The following CUBN variants were observed in gnomAD, a reference collection of about 807,000 sequenced individuals.
CUBN encodes 460 kDa receptor.
Under a neutral mutation model 405.3 loss-of-function variants are expected in CUBN, and 282 were observed. That is an observed-to-expected ratio of 0.70 (90% confidence interval 0.63 to 0.77). The LOEUF is 0.77. Among genes scored for constraint, CUBN ranks in the 30% least tolerant of loss-of-function variants. CUBN has a pLI of 0.00. For synonymous variants in CUBN, 1,684 were observed against 1,617.0 expected, an observed-to-expected ratio of 1.04 and a Z score of -0.99; for missense variants, 4,514 against 4,475.2, an observed-to-expected ratio of 1.01 and a Z score of -0.25.
At chr10:16,972,347 T>A (rs1832959411) in intron 31 of CUBN, among the ~76,000 whole-genome samples, 1 of 152,154 alleles carries the variant, frequency 6.6e-6, no homozygotes, top group Non-Finnish European at 1.5e-5. Context: ...CTCTGAACTC[T>A]TATGTCAAAC....
chr10:16,840,646 A>T (rs554499256), intron 61 of CUBN, 111 bp from the exon 62 acceptor site: 5 of 970,248 alleles, frequency 5.2e-6, no homozygotes, highest in Non-Finnish European at 8.1e-6. Context: ...CTATATTTTC[A>T]TTACTCTATT....
rs192174971 is a variant in CUBN, at chr10:16,909,267, C to A, written c.7534-1588G>T. Among the ~76,000 whole-genome samples the A allele has an allele frequency of 9.9e-5, 15 of 152,274 alleles. No homozygotes were observed. In the East Asian group the frequency reaches 2.9e-3, roughly 29 times the overall value. On this transcript the variant is annotated intron_variant, in intron 48 of 66. Transcript: ENST00000377833. ...CTGGTGTAAAGTGTCTTCTGGCTCA[C>A]TGGACCAGAAGAAGAGTTTGCTATC...
At chr10:17,041,720 G>A (rs1454931351) in intron 26 of CUBN, among the ~76,000 whole-genome samples, 2 of 152,038 alleles carry the variant, frequency 1.3e-5, no homozygotes, top group Non-Finnish European at 2.9e-5. Flanking sequence ...TAACAACATG[G>A]CTTTGTTGAA....
At chr10:17,064,308 C>A (rs990333193) in intron 22 of CUBN, among the ~76,000 whole-genome samples, 2 of 152,126 alleles carry the variant, frequency 1.3e-5, no homozygotes, top group African/African-American at 4.8e-5. Flanking sequence ...TAGTGGCCAG[C>A]CCCTCTGAAG....
intron 26 of CUBN, among the ~76,000 whole-genome samples, chr10:17,042,725 ACTAT>A (rs1201484540): frequency 5.3e-5 from 8 of 152,274 alleles, no homozygotes; most frequent in African/African-American, 1.9e-4. Context: ...AATATTCAAA[ACTAT>A]CTAGGATTCA....
At chr10:16,972,722 G>A (rs1189762159) in intron 31 of CUBN, among the ~76,000 whole-genome samples, 3 of 151,634 alleles carry the variant, frequency 2.0e-5, no homozygotes, top group African/African-American at 2.4e-5. Context: ...CATCACTCCC[G>A]GCCATTCATT....
chr10:17,063,454 A>G (rs1442055534), intron 22 of CUBN, among the ~76,000 whole-genome samples: 1 of 152,200 alleles, frequency 6.6e-6, no homozygotes, highest in Non-Finnish European at 1.5e-5. Flanking sequence ...TTGAGTTTCT[A>G]TGAAAACATC....
chr10:17,030,823 G>T (rs200850852), intron 27 of CUBN, among the ~76,000 whole-genome samples: 13 of 152,224 alleles, frequency 8.5e-5, no homozygotes, highest in East Asian at 7.7e-4. Context: ...GGAGGCTGAG[G>T]CAGGAGAATC....
chr10:16,888,982 C>T (rs527295914), intron 55 of CUBN, among the ~76,000 whole-genome samples: 1 of 152,286 alleles, frequency 6.6e-6, no homozygotes, highest in Non-Finnish European at 1.5e-5. Flanking sequence ...TAGAAAACTG[C>T]TATTTTCATT....
chr10:16,856,941 G>T (rs1338186771), intron 59 of CUBN, among the ~76,000 whole-genome samples: 1 of 152,006 alleles, frequency 6.6e-6, no homozygotes, highest in African/African-American at 2.4e-5. Flanking sequence ...ACCCAGGGAT[G>T]CAGGGCTAGA....
rs550301233 is a variant in CUBN at position 17,062,842 on chromosome 10, T to C, written c.3139+2666A>G. Among the ~76,000 whole-genome samples the C allele has an allele frequency of 4.6e-5, 7 of 152,356 alleles. No homozygotes were observed. In the East Asian group the frequency reaches 1.3e-3, roughly 29 times the overall value. On this transcript the variant is annotated intron_variant, in intron 22 of 66. Coordinates refer to ENST00000377833, the MANE Select transcript of CUBN (RefSeq NM_001081.4). ...CAACCAAATACCAACATTACTGCTC[T>C]GGAAATAACTTCTGTTAGAACAATA...
At chr10:16,918,534 AACAAACCCCCAAAC>A (rs1841950286) in intron 45 of CUBN, 74 bp downstream of exon 45, 1 of 1,020,602 alleles carries the variant, frequency 9.8e-7, no homozygotes, top group African/African-American at 1.6e-5. Context: ...TAATCTCTAC[AACAAACCCCCAAAC>A]ACGAATTTAC....
chr10:17,045,942 G>T lies in CUBN; in HGVS notation c.3482C>A (p.Ser1161Ter). 1 of 1,613,814 alleles carries T rather than the reference G, an allele frequency of 6.2e-7. No individual in the cohort carries two copies. The highest frequency in any genetic ancestry group is 1.1e-5 in the South Asian group (1 of 91,060). The part of the protein sequence containing the change: ...RSGFSAYWDG[S>*]STGCGGNLTT... Reference sequence around the variant, plus strand: ...AGCTCTTTGCTATTTACCTGTTGATGACCCATCCCAGTAAGCTGAGAATCC... The same window carrying T: ...AGCTCTTTGCTATTTACCTGTTGATTACCCATCCCAGTAAGCTGAGAATCC... Residue 1161 changes from serine (S) to a stop codon, truncating the protein, a stop_gained, in exon 24 of 67, where the codon TCA (serine) becomes TAA (stop). Coordinates refer to ENST00000377833, the MANE Select transcript of CUBN (RefSeq NM_001081.4). LOFTEE classifies it high-confidence loss of function.
At chr10:17,102,233 T>C (rs927266256) in intron 13 of CUBN, among the ~76,000 whole-genome samples, 2 of 151,788 alleles carry the variant, frequency 1.3e-5, no homozygotes, top group African/African-American at 4.8e-5. Flanking sequence ...CATTATTTCA[T>C]CTATAAAAGG....
chr10:16,884,355 G>T (rs1288026704), intron 56 of CUBN, among the ~76,000 whole-genome samples: 5 of 151,058 alleles, frequency 3.3e-5, no homozygotes, highest in Admixed American at 6.6e-5. Context: ...CTCAAGAAGT[G>T]CTTTATCTAT....
chr10:17,061,981 C>G (rs1237490357), intron 22 of CUBN, among the ~76,000 whole-genome samples: 1 of 152,120 alleles, frequency 6.6e-6, no homozygotes, highest in Non-Finnish European at 1.5e-5. Context: ...TTCTATCTCC[C>G]TCATTTAAAA....
At chr10:17,022,454 T>C (rs1052538735) in intron 27 of CUBN, among the ~76,000 whole-genome samples, 1 of 152,184 alleles carries the variant, frequency 6.6e-6, no homozygotes, top group Admixed American at 6.5e-5. Flanking sequence ...TATTATCAAG[T>C]TTCTAATATT....
Position 16,928,246 on chromosome 10 carries a change from G to A in CUBN, c.6182C>T (p.Pro2061Leu), listed in dbSNP as rs745974690. 1.2e-6 allele frequency: 2 copies of A among 1,613,794 alleles called. No individual in the cohort carries two copies. Among genetic ancestry groups the A allele is most frequent in the South Asian group, 2.2e-5 (2 of 91,080 alleles). Reference protein sequence around the residue: ...AVLCGREIPGPIRSTGEYMFI... With the variant: ...AVLCGREIPGLIRSTGEYMFI... ...CATGTACTCTCCAGTAGACCGGATGGGCCCAGGGATCTCTCTGCCACAGAG... is the reference window on the plus strand; with the variant it reads ...CATGTACTCTCCAGTAGACCGGATGAGCCCAGGGATCTCTCTGCCACAGAG... The change falls in exon 41 of 67, where the codon CCC becomes CTC. Residue 2061 changes from proline (P) to leucine (L), a missense_variant. Coordinates refer to ENST00000377833, the MANE Select transcript of CUBN (RefSeq NM_001081.4).
chr10:16,975,851 G>C (rs1353690112), intron 31 of CUBN, among the ~76,000 whole-genome samples: 1 of 151,578 alleles, frequency 6.6e-6, no homozygotes, highest in Non-Finnish European at 1.5e-5. Flanking sequence ...GGATGGTCTC[G>C]ACCTCCTGAC....
Sources: allele counts gnomAD v4.1 joint callset (sites outside exome capture counted in the v4.1 genomes callset), GRCh38; gene constraint gnomAD v4.1.1; transcripts MANE v1.5; gene names NCBI Gene and HGNC (gene_info 2026-07-23, HGNC 2026-07-21).